Variants in CSMD2 observed in about 807,000 individuals in gnomAD.
The protein encoded by CSMD2 is CUB and Sushi multiple domains 2, also known as CUB and sushi domain-containing protein 2.
A neutral mutation model predicts 398.5 loss-of-function variants in CSMD2; 130 were observed. The ratio of observed to expected loss-of-function variants is 0.33; its 90% CI spans 0.28 to 0.38. CSMD2 has a LOEUF of 0.38. CSMD2 is among the 10% of genes least tolerant of loss of function. CSMD2 has a pLI of 1.00. For synonymous variants in CSMD2, 1,828 were observed against 1,908.5 expected (o/e 0.96, Z 1.10); for missense variants, 3,829 against 4,764.9 (o/e 0.80, Z 5.78).
chr1:33,937,797 C>T (rs1031851978), intron 3 of CSMD2, among the ~76,000 whole-genome samples: 15 of 152,280 alleles, frequency 9.9e-5, no homozygotes, highest in Admixed American at 3.9e-4. Flanking sequence ...TAATATTTAG[C>T]GGTTGAGGGA....
chr1:33,661,664 A>C (rs1644138084), intron 26 of CSMD2, among the ~76,000 whole-genome samples: 1 of 152,232 alleles, frequency 6.6e-6, no homozygotes, highest in South Asian at 2.1e-4. Context: ...CATGAGTGTT[A>C]AATGGACAAA....
chr1:33,891,315 C>A (rs889160611), intron 5 of CSMD2, among the ~76,000 whole-genome samples: 1 of 151,254 alleles, frequency 6.6e-6, no homozygotes, highest in Non-Finnish European at 1.5e-5. Context: ...CCATCACTGG[C>A]CATCAGAGAA....
chr1:33,876,004 G>A (rs570256782), intron 5 of CSMD2, among the ~76,000 whole-genome samples: 166 of 152,318 alleles, frequency 1.1e-3, no homozygotes, highest in African/African-American at 3.8e-3. Context: ...TGCCAGGCCA[G>A]CTCTCGGCAG....
intron 3 of CSMD2, among the ~76,000 whole-genome samples, chr1:33,974,354 T>C (rs986577331): frequency 2.6e-5 from 4 of 152,228 alleles, no homozygotes; most frequent in African/African-American, 7.2e-5. Flanking sequence ...TTCCTCCCAC[T>C]GCGTGCTCAT....
chr1:33,521,124 T>A (rs1654238973), intron 68 of CSMD2, among the ~76,000 whole-genome samples: 2 of 152,128 alleles, frequency 1.3e-5, no homozygotes, highest in Non-Finnish European at 2.9e-5. Context: ...CTCCACAGTG[T>A]CGTTGTTTGT....
At chr1:34,040,286 G>C (rs1415899358) in intron 2 of CSMD2, among the ~76,000 whole-genome samples, 2 of 152,104 alleles carry the variant, frequency 1.3e-5, no homozygotes, top group African/African-American at 4.8e-5. Flanking sequence ...CATACTTCCG[G>C]GAGAGCTCTT....
intron 62 of CSMD2, among the ~76,000 whole-genome samples, chr1:33,536,792 G>A (rs1413504207): frequency 5.3e-5 from 8 of 152,220 alleles, no homozygotes; most frequent in East Asian, 1.9e-4. Context: ...GGAACTGCAC[G>A]CCATCTGTCC....
chr1:33,557,365 C>T (rs1387683523), intron 55 of CSMD2, among the ~76,000 whole-genome samples: 2 of 152,056 alleles, frequency 1.3e-5, no homozygotes, highest in Middle Eastern at 3.2e-3. Context: ...GGTTCATGTG[C>T]TGTGTTTCTG....
chr1:33,531,764 G>T lies in CSMD2; in HGVS notation c.10171+1286C>A, dbSNP rs951124527. On this transcript the variant is annotated intron_variant, in intron 64 of 70. Coordinates refer to ENST00000373381, the MANE Select transcript of CSMD2 (RefSeq NM_001281956.2). ...CACTAACATGAGGTACTTAGAATAG[G>T]CAAATTTACAGAAGCAGGAAGTATG... Among the ~76,000 whole-genome samples, 18 of 152,170 alleles carry T rather than the reference G, an allele frequency of 1.2e-4. No individual in the cohort carries two copies. In the South Asian group the frequency reaches 1.2e-3, roughly 11 times the overall value.
At chr1:33,771,871 G>A (rs1460135794) in intron 13 of CSMD2, among the ~76,000 whole-genome samples, 1 of 152,220 alleles carries the variant, frequency 6.6e-6, no homozygotes, top group Non-Finnish European at 1.5e-5. Flanking sequence ...CAGAGACCAT[G>A]TCTGGGCCTC....
rs1418593158 is a variant in CSMD2, at chr1:33,707,341, G to T, written c.3576+1748C>A. ...AAAGCCTCTGCATTGCCCAGCTTGC[G>T]TTACTCCATCTGTACCTCTACAGAG... is the stretch of plus-strand genomic sequence containing the variant. On this transcript the variant is annotated intron_variant, in intron 22 of 70. Coordinates refer to ENST00000373381, the MANE Select transcript of CSMD2 (RefSeq NM_001281956.2). 2.6e-5 allele frequency among the ~76,000 whole-genome samples: 4 copies of T among 152,316 alleles called. No individual in the cohort carries two copies. In the East Asian group the frequency reaches 7.7e-4, roughly 29 times the overall value.
intron 25 of CSMD2, among the ~76,000 whole-genome samples, chr1:33,680,938 T>TTTTTTTTG: frequency 6.9e-6 from 1 of 144,254 alleles, no homozygotes; most frequent in Non-Finnish European, 1.5e-5. Flanking sequence ...TTTTTTTTTT[T>TTTTTTTTG]TTTTGAGACA....
At chr1:33,904,587 CA>C (rs144351694) in intron 5 of CSMD2, among the ~76,000 whole-genome samples, 7,881 of 152,226 alleles carry the variant, frequency 0.052, 228 homozygotes, top group Middle Eastern at 0.11. Context: ...TGGTGTTATC[CA>C]CCACTAAATA....
chr1:33,601,693 A>G (rs985394185), intron 43 of CSMD2, among the ~76,000 whole-genome samples: 9 of 152,270 alleles, frequency 5.9e-5, no homozygotes, highest in African/African-American at 1.9e-4. Context: ...GAAACTGCAC[A>G]TATCAAATGC....
rs115965253 is a variant in CSMD2 at position 34,039,123 on chromosome 1, G to A, written c.405-6417C>T. Among the ~76,000 whole-genome samples, 1,368 of 152,316 alleles carry A rather than the reference G, an allele frequency of 9.0e-3. 18 individuals carry two copies. The highest frequency in any genetic ancestry group is 0.029 in the African/African-American group (1,208 of 41,578). On this transcript the variant is annotated intron_variant, in intron 2 of 70. Coordinates refer to ENST00000373381, the MANE Select transcript of CSMD2 (RefSeq NM_001281956.2). ...CTATTCTGCATGCTCAGAGGTCCCA[G>A]TGAAGTCACTGGTATGGTTCACCTT... is the stretch of plus-strand genomic sequence containing the variant.
chr1:33,980,942 C>G (rs1183791316), intron 3 of CSMD2, among the ~76,000 whole-genome samples: 1 of 152,138 alleles, frequency 6.6e-6, no homozygotes, highest in African/African-American at 2.4e-5. Context: ...GGATACAAGC[C>G]TATCTGAAGA....
chr1:34,086,844 G>A (rs1015833720), intron 2 of CSMD2, among the ~76,000 whole-genome samples: 1 of 152,004 alleles, frequency 6.6e-6, no homozygotes, highest in Non-Finnish European at 1.5e-5. Flanking sequence ...TCCCTGCATG[G>A]CCTATGAGGC....
At chr1:33,783,963 G>T (rs1309362406) in intron 12 of CSMD2, among the ~76,000 whole-genome samples, 1 of 151,780 alleles carries the variant, frequency 6.6e-6, no homozygotes, top group Non-Finnish European at 1.5e-5. Context: ...AGGTGGGTGG[G>T]TTGAGTCCCC....
At chr1:33,690,435 C>T (rs2149092247) in intron 25 of CSMD2, among the ~76,000 whole-genome samples, 1 of 152,316 alleles carries the variant, frequency 6.6e-6, no homozygotes, top group South Asian at 2.1e-4. Flanking sequence ...CATTGTGCCA[C>T]CACCTTGTTC....
Sources: allele counts gnomAD v4.1 joint callset (sites outside exome capture counted in the v4.1 genomes callset), GRCh38; gene constraint gnomAD v4.1.1; transcripts MANE v1.5; gene names NCBI Gene and HGNC (gene_info 2026-07-23, HGNC 2026-07-21).